HDAC4: variants seen among roughly 807,000 people sequenced by gnomAD.
The protein encoded by HDAC4 is histone deacetylase A.
A neutral mutation model predicts 135.1 loss-of-function variants in HDAC4; 16 were observed. The observed-to-expected ratio is 0.12, with a 90% CI of 0.08 to 0.18. The LOEUF is 0.18. HDAC4 is among the 10% of genes least tolerant of loss of function. HDAC4 has a pLI of 1.00. For synonymous variants in HDAC4, 685 were observed against 653.4 expected (o/e 1.05, Z -0.74); for missense variants, 1,143 against 1,511.8 (o/e 0.76, Z 4.05).
intron 2 of HDAC4, among the ~76,000 whole-genome samples, chr2:239,350,651 A>C (rs917313197): frequency 3.9e-5 from 6 of 152,048 alleles, no homozygotes; most frequent in Non-Finnish European, 5.9e-5. Flanking sequence ...CTACAGGCAC[A>C]CGCCACCACG....
Position 239,155,404 on chromosome 2 carries a change from C to A in HDAC4, c.733+1248G>T, listed in dbSNP as rs142576851. On this transcript the variant is annotated intron_variant, in intron 7 of 26. Transcript: ENST00000543185. ...AGAGCCCACTCCATTGGGAACAGGGCTGGCCTGATATGGCCCACTCCACCT... is the reference window on the plus strand; with the variant it reads ...AGAGCCCACTCCATTGGGAACAGGGATGGCCTGATATGGCCCACTCCACCT... The A allele has an allele frequency of 1.4e-3, 220 of 153,126 alleles. 1 individual carries two copies. Among genetic ancestry groups the A allele is most frequent in the Non-Finnish European group, 1.6e-3 (108 of 68,756 alleles). 9.5% of individuals were successfully genotyped at this position (153,126 alleles called of 1,614,324 possible). A position where few individuals can be genotyped will look rare whatever the true frequency, so the allele number is the denominator to read the frequency against.
intron 1 of HDAC4, among the ~76,000 whole-genome samples, chr2:239,386,243 G>A (rs1292667920): frequency 1.3e-5 from 2 of 152,180 alleles, no homozygotes; most frequent in South Asian, 4.2e-4. Context: ...TGGGGCGGCC[G>A]CACAGGGGGA....
chr2:239,378,433 G>A (rs1048272143), intron 1 of HDAC4, among the ~76,000 whole-genome samples: 6 of 152,148 alleles, frequency 3.9e-5, no homozygotes, highest in African/African-American at 1.4e-4. Context: ...CGGCTGTTCT[G>A]ACACTGCGCC....
At chr2:239,383,968 C>T (rs930186431) in intron 1 of HDAC4, among the ~76,000 whole-genome samples, 3 of 152,212 alleles carry the variant, frequency 2.0e-5, no homozygotes, top group African/African-American at 7.2e-5. Flanking sequence ...CCATCGCTGG[C>T]ACCTGGGCAC....
chr2:239,238,724 A>AT (rs2048024104), intron 2 of HDAC4, among the ~76,000 whole-genome samples: 1 of 152,206 alleles, frequency 6.6e-6, no homozygotes. Context: ...ATGAGGCCTA[A>AT]TTACAAGTTA....
intron 7 of HDAC4, among the ~76,000 whole-genome samples, chr2:239,145,546 G>T (rs1333156374): frequency 1.3e-5 from 2 of 152,206 alleles, no homozygotes; most frequent in African/African-American, 4.8e-5. Flanking sequence ...CGGAGTCAAA[G>T]AAATCCCCAA....
At chr2:239,057,535 G>C (rs1259030228) in intron 24 of HDAC4, among the ~76,000 whole-genome samples, 1 of 152,176 alleles carries the variant, frequency 6.6e-6, no homozygotes, top group Non-Finnish European at 1.5e-5. Flanking sequence ...AATCTTCAAA[G>C]AGGTAGCCAT....
chr2:239,207,452 C>T (rs1465740660), intron 3 of HDAC4, among the ~76,000 whole-genome samples: 1 of 152,106 alleles, frequency 6.6e-6, no homozygotes, highest in African/African-American at 2.4e-5. Flanking sequence ...AAGTGATTCT[C>T]TCAAAAGACC....
chr2:239,094,075 A>T, intron 17 of HDAC4: 1 of 985,426 alleles, frequency 1.0e-6, no homozygotes, highest in South Asian at 4.7e-5. Context: ...GCGATCAGTG[A>T]TTACACACAC....
chr2:239,281,583 A>C (rs1486269186), intron 2 of HDAC4, among the ~76,000 whole-genome samples: 2 of 138,688 alleles, frequency 1.4e-5, no homozygotes, highest in African/African-American at 2.8e-5. Context: ...TGTACACACC[A>C]CTCTCCACAC....
chr2:239,375,908 C>T (rs1422087746), intron 1 of HDAC4, among the ~76,000 whole-genome samples: 1 of 152,232 alleles, frequency 6.6e-6, no homozygotes, highest in Non-Finnish European at 1.5e-5. Flanking sequence ...GGGTGCCTGG[C>T]AGTCACCCCA....
intron 2 of HDAC4, among the ~76,000 whole-genome samples, chr2:239,277,800 G>C (rs537123454): frequency 1.3e-5 from 2 of 152,158 alleles, no homozygotes; most frequent in African/African-American, 4.8e-5. Context: ...CACCCGGGCC[G>C]GGACCCAGGC....
intron 22 of HDAC4, among the ~76,000 whole-genome samples, chr2:239,077,068 C>T (rs1048494157): frequency 1.3e-5 from 2 of 152,160 alleles, no homozygotes; most frequent in African/African-American, 2.4e-5. Context: ...TCCACTGGCC[C>T]CCAGATCCTA....
In HDAC4 at chr2:239,108,683, C is replaced by G. The variant is rs542908171; in HGVS notation, c.1979-500G>C. Among the ~76,000 whole-genome samples, 221 of 152,288 alleles carry G rather than the reference C, an allele frequency of 1.5e-3. 2 individuals are homozygous for G. The highest frequency in any genetic ancestry group is 4.6e-3 in the African/African-American group (190 of 41,566). ...GAACTGTCCAAGGTACTTGAGATTC[C>G]AAAGAAACACCAGATTCGAGCTCTG... On this transcript the variant is annotated intron_variant, in intron 14 of 26. Transcript: ENST00000543185.
At chr2:239,135,437 G>C (rs991187295) in intron 9 of HDAC4, among the ~76,000 whole-genome samples, 4 of 152,152 alleles carry the variant, frequency 2.6e-5, no homozygotes, top group Admixed American at 2.0e-4. Context: ...AAGGCGCTCA[G>C]GAAAACACAT....
intron 5 of HDAC4, among the ~76,000 whole-genome samples, chr2:239,164,299 G>C (rs930096316): frequency 6.6e-6 from 1 of 152,270 alleles, no homozygotes; most frequent in African/African-American, 2.4e-5. Flanking sequence ...ATCTAAGAGA[G>C]AAGGCTTTGT....
intron 2 of HDAC4, among the ~76,000 whole-genome samples, chr2:239,320,893 A>T (rs2053286024): frequency 6.6e-6 from 1 of 152,244 alleles, no homozygotes; most frequent in Non-Finnish European, 1.5e-5. Context: ...GGGTATTTTA[A>T]AATCAATTAT....
intron 2 of HDAC4, among the ~76,000 whole-genome samples, chr2:239,339,378 C>G (rs1327068489): frequency 2.0e-5 from 3 of 152,208 alleles, no homozygotes; most frequent in African/African-American, 7.2e-5. Flanking sequence ...GCAACCTCAG[C>G]CCCAGGAGGC....
chr2:239,285,036 T>C lies in HDAC4; in HGVS notation c.23-48372A>G, dbSNP rs1049174692. 6.6e-6 allele frequency among the ~76,000 whole-genome samples: 1 copy of C among 152,138 alleles called. No homozygotes were observed. Among genetic ancestry groups the C allele is most frequent in the Non-Finnish European group, 1.5e-5 (1 of 68,032 alleles). On this transcript the variant is annotated intron_variant, in intron 2 of 26. Transcript: ENST00000543185. The surrounding 1 kb of genome is among the most constrained non-coding windows in gnomAD (Gnocchi z 4.5). ...GAAGCCCAGAGACAAGTCGTCTAAA[T>C]GCATCCATCAGTCTACCAAGCCATC... is the stretch of plus-strand genomic sequence containing the variant.
Sources: allele counts gnomAD v4.1 joint callset (sites outside exome capture counted in the v4.1 genomes callset), GRCh38; gene constraint gnomAD v4.1.1; non-coding constraint Gnocchi (gnomAD v3.1); transcripts MANE v1.5; gene names NCBI Gene and HGNC (gene_info 2026-07-23, HGNC 2026-07-21).